NOS1: variants seen among roughly 807,000 people sequenced by gnomAD.
NOS1 encodes the protein NOS type I.
Under a neutral mutation model 164.5 loss-of-function variants are expected in NOS1, and 51 were observed. The observed-to-expected ratio is 0.31, with a 90% CI of 0.25 to 0.39. The LOEUF is 0.39. Ranked by LOEUF, NOS1 falls within the 10% of genes least tolerant of loss-of-function variation. The pLI, the probability that NOS1 is intolerant of heterozygous loss-of-function variation, is 1.00. For missense variants in NOS1, 1,362 were observed against 1,885.6 expected (o/e 0.72, Z 5.14); for synonymous variants, 719 against 745.8 (o/e 0.96, Z 0.59).
rs181973345 is a variant in NOS1 at position 117,211,657 on chromosome 12, C to T, written c.*3652G>A. 11 of 985,540 alleles carry T rather than the reference C, an allele frequency of 1.1e-5. No homozygotes were observed. The African/African-American group carries it at 1.7e-4, about 16-fold the overall frequency. The allele number at this position is 985,540 out of a possible 1,614,324, so 61.0% of individuals were successfully genotyped here. A position where few individuals can be genotyped will look rare whatever the true frequency, so the allele number is the denominator to read the frequency against. On this transcript the variant is annotated 3_prime_UTR_variant, in exon 29 of 29. Transcript: ENST00000317775. ...CTCCCTGTCCGTGCCTTTCCTCTCA[C>T]TCTTCCCAATTCCTGGACAACTCTT...
At position 117,287,980 on chromosome 12, in the gene NOS1, T is replaced by TGCCTTG. The variant is rs2136022177; in HGVS notation, c.1127+88_1127+93dup. The TGCCTTG allele has an allele frequency of 5.6e-6, 8 of 1,417,944 alleles. No homozygotes were observed. The East Asian group carries it at 1.8e-4, about 32-fold the overall frequency. 87.8% of individuals were successfully genotyped at this position (1,417,944 alleles called of 1,614,324 possible). A position where few individuals can be genotyped will look rare whatever the true frequency, so the allele number is the denominator to read the frequency against. On this transcript the variant is annotated intron_variant, in intron 5 of 28. Transcript: ENST00000317775. The stretch of plus-strand genomic sequence containing the variant: ...GCCTCTGTGTATGGCAGAGGCCTTG[T>TGCCTTG]GCCTTGGCCTTGGTTTGCAAAGTTG...
rs933334484 is a variant in NOS1, at chr12:117,311,486, G to A, written c.832C>T (p.Pro278Ser). 6 of 1,610,498 alleles carry A rather than the reference G, an allele frequency of 3.7e-6. No individual in the cohort carries two copies. Among genetic ancestry groups the A allele is most frequent in the Non-Finnish European group, 5.1e-6 (6 of 1,178,664 alleles). Residue 278 changes from proline (P) to serine (S), a missense_variant, in exon 3 of 29, where the codon CCA (proline) becomes TCA (serine). Around this residue, in one of 4 missense-constraint regions of NOS1, gnomAD observed 362 missense variants for 402.0 expected, o/e 0.90. Coordinates refer to ENST00000317775, the MANE Select transcript of NOS1 (RefSeq NM_000620.5). Reference protein sequence around the residue: ...KGNVPVVLNNPYSEKEQPPTS... With the variant: ...KGNVPVVLNNSYSEKEQPPTS... ...CTTACCTGCTCCTTCTCTGAATATG[G>A]GTTGTTGAGGACGACAGGCACATTG... is the stretch of plus-strand genomic sequence containing the variant.
chr12:117,271,798 C>T lies in NOS1; in HGVS notation c.1839+587G>A, dbSNP rs191799154. Among the ~76,000 whole-genome samples, 20 of 152,258 alleles carry T rather than the reference C, an allele frequency of 1.3e-4. No individual in the cohort carries two copies. The South Asian group carries it at 3.5e-3, about 27-fold the overall frequency. ...ACCAAAGTTGGGCTTCAGGAAGCAC[C>T]GCTCCAGCACTTTTTAGTAGATACG... On this transcript the variant is annotated intron_variant, in intron 10 of 28. Coordinates refer to ENST00000317775, the MANE Select transcript of NOS1 (RefSeq NM_000620.5).
At chr12:117,331,900 A>G (rs944977865) in intron 1 of NOS1, among the ~76,000 whole-genome samples, 2 of 152,340 alleles carry the variant, frequency 1.3e-5, no homozygotes, top group Middle Eastern at 3.4e-3. Context: ...TCGGGGGCTC[A>G]GCTGGCACAG....
intron 1 of NOS1, among the ~76,000 whole-genome samples, chr12:117,332,604 C>T (rs886250269): frequency 3.3e-5 from 5 of 152,020 alleles, no homozygotes; most frequent in Non-Finnish European, 7.4e-5. Context: ...GTGCCTCACA[C>T]CTATAATCCC....
In NOS1 at chr12:117,258,380, A is replaced by G; in HGVS notation, c.2531+17T>C. The G allele has an allele frequency of 6.2e-7, 1 of 1,613,852 alleles. No homozygotes were observed. Among genetic ancestry groups the G allele is most frequent in the Non-Finnish European group, 8.5e-7 (1 of 1,179,802 alleles). On this transcript the variant is annotated intron_variant, in intron 16 of 28. Coordinates refer to ENST00000317775, the MANE Select transcript of NOS1 (RefSeq NM_000620.5). ...CCTCGGGGGTGGCGGGTGACGTCGG[A>G]GGGGTCATTCACTTACTTCCTTTCT...
chr12:117,238,377 C>T (rs1869892510), intron 20 of NOS1, among the ~76,000 whole-genome samples: 1 of 152,142 alleles, frequency 6.6e-6, no homozygotes, highest in Admixed American at 6.5e-5. Context: ...CTGGTCCAAC[C>T]AATATTTTGC....
intron 2 of NOS1, among the ~76,000 whole-genome samples, chr12:117,320,787 T>C (rs1874880104): frequency 6.6e-6 from 1 of 152,168 alleles, no homozygotes; most frequent in Non-Finnish European, 1.5e-5. Context: ...ACCCTGTTCC[T>C]GTCTCAGGGC....
intron 13 of NOS1, 24 bp downstream of exon 13, chr12:117,263,865 A>G (rs896283832): frequency 3.8e-6 from 6 of 1,593,040 alleles, no homozygotes; most frequent in Non-Finnish European, 4.3e-6. Flanking sequence ...CATCCACCCC[A>G]CCCGCCCACT....
At chr12:117,277,809 A>T (rs1256421802) in intron 9 of NOS1, 150 bp downstream of exon 9, 13 of 910,924 alleles carry the variant, frequency 1.4e-5, no homozygotes, top group Non-Finnish European at 2.1e-5. Context: ...CACTCTGCCC[A>T]AGCCCGCAGT....
At chr12:117,302,205 TCATTATCTCATA>T (rs1873859033) in intron 3 of NOS1, 2 of 407,204 alleles carry the variant, frequency 4.9e-6, no homozygotes, top group Non-Finnish European at 9.9e-6. Flanking sequence ...ATGGTTGACA[TCATTATCTCATA>T]CATTATCTCA....
At chr12:117,350,287 G>A (rs1255174533) in intron 1 of NOS1, among the ~76,000 whole-genome samples, 3 of 152,168 alleles carry the variant, frequency 2.0e-5, no homozygotes, top group Non-Finnish European at 4.4e-5. Context: ...GCCATGGGAC[G>A]ATGTGTGACG....
At position 117,213,703 on chromosome 12, in the gene NOS1, G is replaced by A; in HGVS notation, c.*1606C>T. On this transcript the variant is annotated 3_prime_UTR_variant, in exon 29 of 29. Coordinates refer to ENST00000317775, the MANE Select transcript of NOS1 (RefSeq NM_000620.5). Reference sequence around the variant, plus strand: ...TATATAAAAGAAATGTGGTTTTTCTGTATAGCAAGACACAACAAACAGGGT... The same window carrying A: ...TATATAAAAGAAATGTGGTTTTTCTATATAGCAAGACACAACAAACAGGGT... The A allele has an allele frequency of 1.0e-6, 1 of 985,404 alleles. No individual in the cohort carries two copies. The highest frequency in any genetic ancestry group is 1.2e-6 in the Non-Finnish European group (1 of 829,932). 61.0% of individuals were successfully genotyped at this position (985,404 alleles called of 1,614,324 possible). A position where few individuals can be genotyped will look rare whatever the true frequency, so the allele number is the denominator to read the frequency against.
At chr12:117,358,757 A>G (rs937938058) in intron 1 of NOS1, among the ~76,000 whole-genome samples, 3 of 152,064 alleles carry the variant, frequency 2.0e-5, no homozygotes, top group Non-Finnish European at 2.9e-5. Flanking sequence ...CACACTGCTC[A>G]CTCTTTCTCT....
intron 2 of NOS1, among the ~76,000 whole-genome samples, chr12:117,312,263 C>T (rs796155391): frequency 2.6e-5 from 4 of 152,280 alleles, no homozygotes; most frequent in African/African-American, 9.6e-5. Context: ...GACACGGGTT[C>T]TCCCTGTGTT....
intron 11 of NOS1, among the ~76,000 whole-genome samples, chr12:117,267,511 C>T (rs1056021918): frequency 1.2e-4 from 18 of 151,232 alleles, no homozygotes; most frequent in African/African-American, 2.9e-4. Context: ...TGCTTGGACC[C>T]GGGAGGTGGA....
In NOS1 at chr12:117,258,539, C is replaced by T. The variant is rs1413208740; in HGVS notation, c.2473-84G>A. The T allele has an allele frequency of 2.8e-6, 4 of 1,417,594 alleles. No homozygotes were observed. The East Asian group carries it at 6.9e-5, about 24-fold the overall frequency. 87.8% of individuals were successfully genotyped at this position (1,417,594 alleles called of 1,614,324 possible). The stretch of plus-strand genomic sequence containing the variant: ...GGATACTGAGGGTCTGGGGTCCTGG[C>T]TGTCAAAGAGGAGACTGATGCCCGG... On this transcript the variant is annotated intron_variant, in intron 15 of 28. Coordinates refer to ENST00000317775, the MANE Select transcript of NOS1 (RefSeq NM_000620.5).
chr12:117,343,109 G>T (rs1416136132), intron 1 of NOS1, among the ~76,000 whole-genome samples: 2 of 151,642 alleles, frequency 1.3e-5, no homozygotes, highest in Non-Finnish European at 2.9e-5. Flanking sequence ...CGAGAGGATT[G>T]TTTGAGGCCA....
chr12:117,276,004 T>C (rs1049575040), intron 9 of NOS1, among the ~76,000 whole-genome samples: 7 of 151,646 alleles, frequency 4.6e-5, no homozygotes, highest in African/African-American at 1.7e-4. Flanking sequence ...CTTTTGAACT[T>C]GATCCACACC....
Sources: allele counts gnomAD v4.1 joint callset (sites outside exome capture counted in the v4.1 genomes callset), GRCh38; gene constraint gnomAD v4.1.1; regional missense constraint gnomAD v4.1.1; transcripts MANE v1.5; gene names NCBI Gene and HGNC (gene_info 2026-07-23, HGNC 2026-07-21).